SGCD: variants seen among roughly 807,000 people sequenced by gnomAD.
SGCD encodes the protein sarcoglycan delta.
Under a neutral mutation model 36.6 loss-of-function variants are expected in SGCD, and 18 were observed. The ratio of observed to expected loss-of-function variants is 0.49; its 90% CI spans 0.34 to 0.73. The LOEUF is 0.73. Ranked by LOEUF, SGCD falls within the 30% of genes least tolerant of loss-of-function variation. The pLI is 0.01. For synonymous variants in SGCD, 133 were observed against 130.6 expected (o/e 1.02, Z -0.12); for missense variants, 387 against 346.7 (o/e 1.12, Z -0.92).
chr5:156,608,228 A>G (rs1302428039), intron 6 of SGCD, among the ~76,000 whole-genome samples: 1 of 152,124 alleles, frequency 6.6e-6, no homozygotes, highest in Non-Finnish European at 1.5e-5. Flanking sequence ...CATCCCAGAG[A>G]TTCTGGTATG....
At chr5:155,887,195 A>T (rs2113307133) in intron 1 of SGCD, among the ~76,000 whole-genome samples, 1 of 152,308 alleles carries the variant, frequency 6.6e-6, no homozygotes, top group Non-Finnish European at 1.5e-5. Context: ...ATGGAAATCA[A>T]ACTTATATCA....
chr5:156,120,038 C>G (rs1179931891), intron 2 of SGCD, among the ~76,000 whole-genome samples: 9 of 152,120 alleles, frequency 5.9e-5, no homozygotes, highest in Non-Finnish European at 1.0e-4. Flanking sequence ...CACATTATTC[C>G]TAGTATATAC....
intron 3 of SGCD, among the ~76,000 whole-genome samples, chr5:156,504,175 G>T (rs1343169579): frequency 6.7e-6 from 1 of 150,244 alleles, no homozygotes; most frequent in Non-Finnish European, 1.5e-5. Context: ...TTGCACTCCA[G>T]CCTGGGTGAC....
At chr5:156,161,596 A>G (rs1202432201) in intron 3 of SGCD, among the ~76,000 whole-genome samples, 1 of 151,884 alleles carries the variant, frequency 6.6e-6, no homozygotes, top group Non-Finnish European at 1.5e-5. Context: ...TATATGTTGG[A>G]CACCTAAACC....
chr5:156,616,182 G>A (rs1276741538), intron 6 of SGCD, among the ~76,000 whole-genome samples: 1 of 152,190 alleles, frequency 6.6e-6, no homozygotes, highest in Non-Finnish European at 1.5e-5. Context: ...CTGGTGAGCA[G>A]AAAAAGTGGT....
At chr5:156,087,935 A>T (rs1163793300) in intron 1 of SGCD, among the ~76,000 whole-genome samples, 2 of 152,200 alleles carry the variant, frequency 1.3e-5, no homozygotes, top group African/African-American at 2.4e-5. Flanking sequence ...GGAGAGGCCC[A>T]CTGTACAGTG....
At chr5:156,224,241 C>T (rs547569415) in intron 3 of SGCD, among the ~76,000 whole-genome samples, 1 of 152,038 alleles carries the variant, frequency 6.6e-6, no homozygotes, top group African/African-American at 2.4e-5. Context: ...AGTATTCAGT[C>T]CTATTCTCTC....
chr5:156,121,208 T>A (rs756397134), intron 2 of SGCD, among the ~76,000 whole-genome samples: 1 of 152,154 alleles, frequency 6.6e-6, no homozygotes, highest in Non-Finnish European at 1.5e-5. Flanking sequence ...TTATGAAATG[T>A]CATGCAGAAT....
upstream of SGCD, among the ~76,000 whole-genome samples, chr5:155,868,360 CTTTTT>C (rs10532701): frequency 1.8e-5 from 2 of 110,710 alleles, no homozygotes; most frequent in Non-Finnish European, 3.6e-5. Context: ...CCCTTTTTTT[CTTTTT>C]TTTTTTTTTT....
At chr5:156,145,666 A>G (rs1228648409) in intron 3 of SGCD, among the ~76,000 whole-genome samples, 1 of 152,180 alleles carries the variant, frequency 6.6e-6, no homozygotes, top group Non-Finnish European at 1.5e-5. Flanking sequence ...ATTTGGTTAA[A>G]AGTATAGAGT....
chr5:156,568,920 A>G (rs906912429), intron 4 of SGCD, among the ~76,000 whole-genome samples: 5 of 152,222 alleles, frequency 3.3e-5, no homozygotes, highest in Non-Finnish European at 7.3e-5. Flanking sequence ...ATAGAATACC[A>G]TGAAATCATT....
chr5:155,878,039 G>A (rs1755801160), intron 1 of SGCD, among the ~76,000 whole-genome samples: 1 of 152,044 alleles, frequency 6.6e-6, no homozygotes, highest in African/African-American at 2.4e-5. Flanking sequence ...ATATAACACA[G>A]AGGGAAGGAG....
chr5:156,455,028 C>T (rs549166305), intron 3 of SGCD, among the ~76,000 whole-genome samples: 32 of 152,240 alleles, frequency 2.1e-4, no homozygotes, highest in East Asian at 1.2e-3. Flanking sequence ...AAAGAAAGGA[C>T]GCTTAAAGAA....
the SGCD span, among the ~76,000 whole-genome samples, chr5:155,822,033 G>A: frequency 6.6e-6 from 1 of 152,098 alleles, no homozygotes; most frequent in South Asian, 2.1e-4. Context: ...ATACACTAAT[G>A]AGAATCTTTT....
chr5:156,185,856 G>T (rs1375952509), intron 3 of SGCD, among the ~76,000 whole-genome samples: 2,120 of 5,728 alleles, frequency 0.37, 188 homozygotes, highest in Middle Eastern at 0.5. Context: ...TATATAGAGA[G>T]AGAGAGAGAG....
intron 3 of SGCD, among the ~76,000 whole-genome samples, chr5:156,446,192 T>C (rs1472331598): frequency 6.6e-6 from 1 of 152,116 alleles, no homozygotes; most frequent in Non-Finnish European, 1.5e-5. Flanking sequence ...CAAAATTAAT[T>C]TACTTTTGTC....
intron 1 of SGCD, among the ~76,000 whole-genome samples, chr5:156,070,519 T>G (rs1483942765): frequency 6.6e-6 from 1 of 150,544 alleles, no homozygotes; most frequent in Non-Finnish European, 1.5e-5. Flanking sequence ...GATGTGCTGC[T>G]GGATTTGGTT....
chr5:155,846,070 G>A, the SGCD span, among the ~76,000 whole-genome samples: 2,567 of 152,232 alleles, frequency 0.017, 78 homozygotes, highest in African/African-American at 0.059. Context: ...TTATGGCGAT[G>A]GATGAAACCA....
At chr5:156,573,647 G>A (rs898494663) in intron 4 of SGCD, among the ~76,000 whole-genome samples, 14 of 152,114 alleles carry the variant, frequency 9.2e-5, no homozygotes, top group Non-Finnish European at 8.8e-5. Context: ...TCATACCAGA[G>A]AGTCAGCTAG....
Sources: allele counts gnomAD v4.1 joint callset (sites outside exome capture counted in the v4.1 genomes callset), GRCh38; gene constraint gnomAD v4.1.1; transcripts MANE v1.5; gene names NCBI Gene and HGNC (gene_info 2026-07-23, HGNC 2026-07-21).